Variants in ARMC2 observed in about 807,000 individuals in gnomAD.
ARMC2 encodes armadillo repeat containing 2, also known as armadillo repeat-containing protein 2.
ARMC2 carries 67 observed loss-of-function variants against 90.3 expected under a neutral mutation model. That is an observed-to-expected ratio of 0.74 (90% CI 0.61 to 0.91). ARMC2 has a LOEUF of 0.91. ARMC2 is among the 40% of genes least tolerant of loss of function. The pLI, the probability that ARMC2 is intolerant of heterozygous loss-of-function variation, is 0.00. For synonymous variants in ARMC2, 393 were observed against 393.0 expected, an observed-to-expected ratio of 1.00 and a Z score of 0.00; for missense variants, 920 against 1,030.9, an observed-to-expected ratio of 0.89 and a Z score of 1.47.
At chr6:108,853,345 CTT>C (rs924237944) in intron 1 of ARMC2, among the ~76,000 whole-genome samples, 6 of 152,058 alleles carry the variant, frequency 3.9e-5, no homozygotes, top group African/African-American at 1.4e-4. Flanking sequence ...GAAATGGAAT[CTT>C]TTTAGTTTCC....
At position 108,899,791 on chromosome 6, in the gene ARMC2, G is replaced by A; in HGVS notation, c.846G>A (p.Lys282=). Residue 282 remains lysine, a splice_region_variant and synonymous_variant, in exon 7 of 18, where the codon AAG becomes AAA. Coordinates refer to ENST00000392644, the MANE Select transcript of ARMC2 (RefSeq NM_032131.6). ...RIVPILRELE[K]EENIETVCAA... ...TACCGATTTTGCGTGAATTAGAAAA[G>A]GGTAAAACACAAACAAACAAACAAA... 1 of 1,604,460 alleles carries A rather than the reference G, an allele frequency of 6.2e-7. No homozygotes were observed. The highest frequency in any genetic ancestry group is 8.5e-7 in the Non-Finnish European group (1 of 1,175,768).
chr6:108,990,107 G>A, the ARMC2 span, among the ~76,000 whole-genome samples: 3 of 152,212 alleles, frequency 2.0e-5, no homozygotes, highest in Non-Finnish European at 4.4e-5. Context: ...CAGAGTTTGT[G>A]TGCATGTGTG....
chr6:108,988,749 A>G, the ARMC2 span: 7 of 1,337,782 alleles, frequency 5.2e-6, no homozygotes, highest in Non-Finnish European at 6.1e-6. Flanking sequence ...TCATCTTACA[A>G]AAGTATACAC....
the ARMC2 span, chr6:108,988,795 G>A: frequency 1.2e-6 from 1 of 831,874 alleles, no homozygotes; most frequent in Non-Finnish European, 1.7e-6. Context: ...CTCTCTTTGT[G>A]TAGGCAGCTG....
rs1014262478 is a variant in ARMC2 at position 108,869,070 on chromosome 6, T to C, written c.463+75T>C. ...AATTTGCACACAAAAGCTAATTTTATATGATTTTTCCTAACCCTGGATGAT... is the reference window on the plus strand; with the variant it reads ...AATTTGCACACAAAAGCTAATTTTACATGATTTTTCCTAACCCTGGATGAT... On this transcript the variant is annotated intron_variant, in intron 4 of 17. Transcript: ENST00000392644. The C allele has an allele frequency of 4.9e-6, 7 of 1,432,462 alleles. No individual in the cohort carries two copies. In the African/African-American group the frequency reaches 1.0e-4, roughly 21 times the overall value. The allele number at this position is 1,432,462 out of a possible 1,614,324, so 88.7% of individuals were successfully genotyped here.
intron 10 of ARMC2, among the ~76,000 whole-genome samples, chr6:108,918,558 A>G (rs571200586): frequency 1.7e-3 from 253 of 151,142 alleles, no homozygotes; most frequent in Non-Finnish European, 3.0e-3. Context: ...TCCTGTATTC[A>G]TTGTTTGCCG....
At chr6:108,867,091 A>G (rs1775895647) in intron 3 of ARMC2, among the ~76,000 whole-genome samples, 1 of 152,176 alleles carries the variant, frequency 6.6e-6, no homozygotes, top group Admixed American at 6.5e-5. Flanking sequence ...TGACTCACTC[A>G]TTCACATGTT....
chr6:108,949,690 G>GT (rs1777044485), intron 12 of ARMC2, among the ~76,000 whole-genome samples: 1 of 152,216 alleles, frequency 6.6e-6, no homozygotes, highest in Non-Finnish European at 1.5e-5. Context: ...TCAGAGCCCA[G>GT]GGCAGGGCCT....
At chr6:108,907,481 A>ACTT in intron 8 of ARMC2, 3 of 330,384 alleles carry the variant, frequency 9.1e-6, no homozygotes, top group Non-Finnish European at 9.7e-6. Context: ...TTTTTTTACC[A>ACTT]GTCATCTTTT....
chr6:108,931,604 A>T (rs1775567588), intron 11 of ARMC2, among the ~76,000 whole-genome samples: 1 of 151,864 alleles, frequency 6.6e-6, no homozygotes, highest in Non-Finnish European at 1.5e-5. Flanking sequence ...TGACTTTTTA[A>T]TAATAGCCAT....
chr6:108,901,881 G>A (rs928014263), intron 7 of ARMC2, among the ~76,000 whole-genome samples: 2 of 152,128 alleles, frequency 1.3e-5, no homozygotes, highest in Non-Finnish European at 2.9e-5. Flanking sequence ...CGTCTCTTTC[G>A]TGATCTTGAT....
the ARMC2 span, among the ~76,000 whole-genome samples, chr6:109,017,560 C>T: frequency 1.3e-5 from 2 of 152,174 alleles, no homozygotes; most frequent in Non-Finnish European, 2.9e-5. Context: ...GCTGGGATTG[C>T]AGGTGTGAGC....
intron 12 of ARMC2, among the ~76,000 whole-genome samples, chr6:108,952,692 G>C (rs1329560804): frequency 6.6e-6 from 1 of 152,158 alleles, no homozygotes; most frequent in East Asian, 1.9e-4. Context: ...TCAAAACTTA[G>C]ATTTACATGA....
chr6:108,979,957 G>C, the ARMC2 span, among the ~76,000 whole-genome samples: 1 of 151,982 alleles, frequency 6.6e-6, no homozygotes, highest in African/African-American at 2.4e-5. Context: ...GCTCGGAGGA[G>C]TATGTTATTA....
chr6:109,043,979 G>A, the ARMC2 span, among the ~76,000 whole-genome samples: 1 of 152,042 alleles, frequency 6.6e-6, no homozygotes. Context: ...ACAGAATAGA[G>A]AGCCCAGAAA....
intron 4 of ARMC2, among the ~76,000 whole-genome samples, chr6:108,873,457 G>T (rs750073639): frequency 6.6e-6 from 1 of 152,058 alleles, no homozygotes; most frequent in Non-Finnish European, 1.5e-5. Context: ...GCCCCCTCAC[G>T]GTGGGTGCAC....
At chr6:109,045,724 G>C in the ARMC2 span, among the ~76,000 whole-genome samples, 1 of 152,164 alleles carries the variant, frequency 6.6e-6, no homozygotes, top group African/African-American at 2.4e-5. Flanking sequence ...CAAAGCCTTT[G>C]CAGAATTCTC....
chr6:108,964,265 G>A lies in ARMC2; in HGVS notation c.2238G>A (p.Val746=), dbSNP rs756027310. The A allele has an allele frequency of 1.2e-6, 2 of 1,613,896 alleles. No individual in the cohort carries two copies. Among genetic ancestry groups the A allele is most frequent in the Non-Finnish European group, 1.7e-6 (2 of 1,179,870 alleles). ...SACGVLLNLT[V]DKDKRVILKE... is the part of the protein sequence containing the mutation. ...GTGGTGTTCTCCTCAATCTCACTGTGGATAAAGACAAGCGTGTCATCTTGA... is the reference window on the plus strand; with the variant it reads ...GTGGTGTTCTCCTCAATCTCACTGTAGATAAAGACAAGCGTGTCATCTTGA... The change falls in exon 16 of 18, where the codon GTG becomes GTA. Residue 746 remains valine, a synonymous_variant. Coordinates refer to ENST00000392644, the MANE Select transcript of ARMC2 (RefSeq NM_032131.6).
intron 1 of ARMC2, among the ~76,000 whole-genome samples, chr6:108,851,744 C>T (rs557556436): frequency 2.0e-5 from 3 of 152,238 alleles, no homozygotes; most frequent in African/African-American, 7.2e-5. Context: ...TGAGACCAGC[C>T]TGGACAACAT....
Sources: gnomAD v4.1 joint callset for allele counts (sites outside exome capture counted in the v4.1 genomes callset) on GRCh38, gnomAD v4.1.1 for gene constraint, MANE v1.5 for transcripts, NCBI Gene and HGNC (gene_info 2026-07-23, HGNC 2026-07-21) for gene names.